The following YY1AP1 variants were observed in gnomAD, a reference collection of about 807,000 sequenced individuals.
The protein encoded by YY1AP1 is YY1-associated protein 1.
A neutral mutation model predicts 39.9 loss-of-function variants in YY1AP1; 43 were observed. The observed-to-expected ratio is 1.08, with a 90% CI of 0.84 to 1.39. The LOEUF is 1.39. YY1AP1 is among the 40% of genes most tolerant of loss of function. YY1AP1 has a pLI of 0.00. For missense variants in YY1AP1, 813 were observed against 900.7 expected, an observed-to-expected ratio of 0.90 and a Z score of 1.25; for synonymous variants, 292 against 331.3, an observed-to-expected ratio of 0.88 and a Z score of 1.29.
At chr1:155,668,915 G>T in intron 8 of YY1AP1, 138 bp from the exon 9 acceptor site, 1 of 1,260,616 alleles carries the variant, frequency 7.9e-7, no homozygotes, top group Non-Finnish European at 1.1e-6. Flanking sequence ...CTGGGCTGGA[G>T]TGCAGTGGCG....
intron 1 of YY1AP1, 130 bp from the exon 2 acceptor site, chr1:155,688,331 C>A: frequency 1.9e-6 from 3 of 1,551,516 alleles, no homozygotes; most frequent in Non-Finnish European, 2.6e-6. Flanking sequence ...GCGGCGGCAG[C>A]GGCGGCAGCA....
intron 9 of YY1AP1, among the ~76,000 whole-genome samples, chr1:155,665,765 A>G (rs1421863600): frequency 6.8e-6 from 1 of 146,502 alleles, no homozygotes; most frequent in Non-Finnish European, 1.5e-5. Flanking sequence ...CCTGGGGGAC[A>G]GAGCAAGACT....
chr1:155,672,621 A>G lies in YY1AP1; in HGVS notation c.522T>C (p.Ile174=), dbSNP rs1558308010. The stretch of plus-strand genomic sequence containing the variant: ...TGCTGACATGTGTGCTGAAGTCTTC[A>G]ATCAGCTGCATAGCTCCCATCAAGT... ...PCNLMGAMQL[I]EDFSTHVSID... is the part of the protein sequence containing the mutation. The change falls in exon 7 of 11, where the codon ATT becomes ATC. Residue 174 remains isoleucine (I), a synonymous_variant. Transcript: ENST00000355499. The G allele has an allele frequency of 1.2e-6, 2 of 1,613,424 alleles. No individual in the cohort carries two copies. The highest frequency in any genetic ancestry group is 1.3e-5 in the African/African-American group (1 of 75,012).
In YY1AP1 at chr1:155,661,349, T is replaced by A. The variant is rs1371649534; in HGVS notation, c.954A>T (p.Pro318=). The change falls in exon 10 of 11, where the codon CCA becomes CCT. Residue 318 remains proline (P), a synonymous_variant. Transcript: ENST00000355499. ...GCCGGTGTTCTTCTCTCTCTATAGG[T>A]GGCTTCCACTGATGTGGCTGGATCT... ...CEEIQPHQWK[P]PIEREEHRLP... 1 of 1,613,890 alleles carries A rather than the reference T, an allele frequency of 6.2e-7. No homozygotes were observed. Among genetic ancestry groups the A allele is most frequent in the East Asian group, 2.2e-5 (1 of 44,874 alleles).
intron 6 of YY1AP1, among the ~76,000 whole-genome samples, chr1:155,672,959 A>G (rs1650076148): frequency 6.6e-6 from 1 of 152,162 alleles, no homozygotes. Flanking sequence ...TAAGGAATAC[A>G]TGGTCTAGCT....
chr1:155,667,903 A>AATAC (rs57719884), intron 9 of YY1AP1, among the ~76,000 whole-genome samples: 16,037 of 150,372 alleles, frequency 0.11, 1,136 homozygotes, highest in Middle Eastern at 0.2. Flanking sequence ...ACTCCATCTC[A>AATAC]ATACATACAT....
intron 6 of YY1AP1, among the ~76,000 whole-genome samples, chr1:155,674,307 TAAAAC>T (rs1049341046): frequency 1.3e-5 from 2 of 151,656 alleles, no homozygotes; most frequent in East Asian, 1.9e-4. Context: ...TTATTTAAAT[TAAAAC>T]AAAACAAAAC....
At position 155,688,068 on chromosome 1, in the gene YY1AP1, C is replaced by G. The variant is rs1236487376; in HGVS notation, c.-21+3G>C. On this transcript the variant is annotated splice_donor_region_variant and intron_variant, in intron 2 of 10. Coordinates refer to ENST00000355499, the MANE Select transcript of YY1AP1 (RefSeq NM_139119.3). Reference sequence around the variant, plus strand: ...GAATGCCGGCCCAAATCGTTCTACTCACCGTGTCGGAGGCCGAGAGCGATG... The same window carrying G: ...GAATGCCGGCCCAAATCGTTCTACTGACCGTGTCGGAGGCCGAGAGCGATG... The G allele has an allele frequency of 6.3e-7, 1 of 1,576,264 alleles. No individual in the cohort carries two copies. The highest frequency in any genetic ancestry group is 8.6e-7 in the Non-Finnish European group (1 of 1,157,822).
upstream of YY1AP1, chr1:155,688,810 C>T (rs184902288): frequency 7.6e-5 from 118 of 1,559,632 alleles, no homozygotes; most frequent in Non-Finnish European, 9.9e-5. Flanking sequence ...GTCCCCACCG[C>T]GGGACTGTTC....
At chr1:155,671,065 A>C (rs1418029018) in intron 7 of YY1AP1, 2 of 152,632 alleles carry the variant, frequency 1.3e-5, no homozygotes, top group Non-Finnish European at 2.9e-5. Flanking sequence ...GTATGCTCAA[A>C]AATGTTTTAC....
chr1:155,663,546 C>G (rs1030654390), intron 9 of YY1AP1, among the ~76,000 whole-genome samples: 4 of 151,054 alleles, frequency 2.6e-5, no homozygotes, highest in Non-Finnish European at 5.9e-5. Flanking sequence ...AGGTGAAACC[C>G]CGTCTCTACT....
chr1:155,672,492 T>C, intron 7 of YY1AP1, 68 bp downstream of exon 7: 1 of 1,605,052 alleles, frequency 6.2e-7, no homozygotes, highest in South Asian at 1.1e-5. Flanking sequence ...GGAAGTTATC[T>C]ATGGGATAAG....
upstream of YY1AP1, chr1:155,688,815 C>G: frequency 6.4e-7 from 1 of 1,565,342 alleles, no homozygotes. Flanking sequence ...CACCGCGGGA[C>G]TGTTCCATTC....
intron 2 of YY1AP1, among the ~76,000 whole-genome samples, chr1:155,685,857 C>A (rs1023331529): frequency 6.6e-6 from 1 of 151,924 alleles, no homozygotes; most frequent in African/African-American, 2.4e-5. Flanking sequence ...GTCTTTCATC[C>A]GATTCTCTGA....
intron 8 of YY1AP1, among the ~76,000 whole-genome samples, chr1:155,670,076 G>A (rs904625628): frequency 2.6e-5 from 4 of 152,116 alleles, no homozygotes; most frequent in Admixed American, 6.6e-5. Context: ...GCCTTTCAAA[G>A]TGCTGGGATT....
At chr1:155,663,029 A>G (rs1380776366) in intron 9 of YY1AP1, among the ~76,000 whole-genome samples, 1 of 151,648 alleles carries the variant, frequency 6.6e-6, no homozygotes, top group Non-Finnish European at 1.5e-5. Flanking sequence ...ATCCCCCAAC[A>G]AAAGTACAAA....
intron 9 of YY1AP1, 30 bp downstream of exon 9, chr1:155,668,597 G>A: frequency 1.2e-6 from 2 of 1,614,012 alleles, no homozygotes; most frequent in Non-Finnish European, 1.7e-6. Context: ...TTGGTGAGGT[G>A]CCTGGATAGT....
At chr1:155,679,314 C>A in intron 4 of YY1AP1, 95 bp downstream of exon 4, 1 of 1,575,866 alleles carries the variant, frequency 6.3e-7, no homozygotes, top group Non-Finnish European at 8.6e-7. Context: ...CAGAAGCTGG[C>A]TGGGGATGAA....
chr1:155,670,494 ACTTCTAGG>A, intron 7 of YY1AP1, 30 bp from the exon 8 acceptor site: 1 of 1,612,498 alleles, frequency 6.2e-7, no homozygotes, highest in Non-Finnish European at 8.5e-7. Context: ...TGATAAATCA[ACTTCTAGG>A]AAAAAAGAGG....
Sources: allele counts gnomAD v4.1 joint callset (sites outside exome capture counted in the v4.1 genomes callset), GRCh38; gene constraint gnomAD v4.1.1; transcripts MANE v1.5; gene names NCBI Gene and HGNC (gene_info 2026-07-23, HGNC 2026-07-21).